The following ADGRL2 variants were observed in gnomAD, a reference collection of about 807,000 sequenced individuals.
ADGRL2 encodes the protein adhesion G protein-coupled receptor L2, also known as calcium-independent alpha-latrotoxin receptor 2.
Under a neutral mutation model 157.4 loss-of-function variants are expected in ADGRL2, and 44 were observed. That is an observed-to-expected ratio of 0.28 (90% CI 0.22 to 0.36). ADGRL2 has a LOEUF of 0.36. Among genes scored for constraint, ADGRL2 ranks in the 10% least tolerant of loss-of-function variants. The pLI is 1.00. For synonymous variants in ADGRL2, 585 were observed against 624.7 expected, an observed-to-expected ratio of 0.94 and a Z score of 0.95; for missense variants, 1,510 against 1,768.9, an observed-to-expected ratio of 0.85 and a Z score of 2.63.
intron 3 of ADGRL2, among the ~76,000 whole-genome samples, chr1:81,594,997 G>C (rs527662842): frequency 3.3e-5 from 5 of 152,148 alleles, no homozygotes; most frequent in African/African-American, 4.8e-5. Flanking sequence ...GCACTGACTA[G>C]ATGTCAGGAA....
At chr1:81,731,138 C>A (rs867972188) in intron 1 of ADGRL2, among the ~76,000 whole-genome samples, 1 of 152,156 alleles carries the variant, frequency 6.6e-6, no homozygotes, top group Admixed American at 6.5e-5. Context: ...TCTGAGCTAG[C>A]CTCCCTCCTG....
intron 2 of ADGRL2, among the ~76,000 whole-genome samples, chr1:81,497,915 T>A (rs946709940): frequency 1.3e-5 from 2 of 152,282 alleles, no homozygotes; most frequent in Admixed American, 1.3e-4. Flanking sequence ...GCTGACAGAA[T>A]AGGTATGGCA....
intron 3 of ADGRL2, among the ~76,000 whole-genome samples, chr1:81,627,277 T>G (rs1245909787): frequency 6.6e-6 from 1 of 152,174 alleles, no homozygotes; most frequent in Non-Finnish European, 1.5e-5. Context: ...TTCATGCCTG[T>G]GTCTTTTCCC....
At chr1:81,630,317 AGT>A (rs944338965) in intron 3 of ADGRL2, among the ~76,000 whole-genome samples, 11 of 152,142 alleles carry the variant, frequency 7.2e-5, no homozygotes, top group Non-Finnish European at 1.6e-4. Context: ...CATCCAGAGG[AGT>A]GGGCAGTGAC....
chr1:81,403,129 T>C (rs1461379684), intron 1 of ADGRL2, among the ~76,000 whole-genome samples: 1 of 152,164 alleles, frequency 6.6e-6, no homozygotes, highest in African/African-American at 2.4e-5. Context: ...TCTTGGAAGA[T>C]GTCCTTGATG....
intron 2 of ADGRL2, among the ~76,000 whole-genome samples, chr1:81,881,969 C>A (rs1158422296): frequency 6.6e-6 from 1 of 152,118 alleles, no homozygotes. Context: ...CACACACCAT[C>A]CCCCCTTTTT....
chr1:81,796,037 C>T (rs780202770), upstream of ADGRL2, among the ~76,000 whole-genome samples: 1 of 152,200 alleles, frequency 6.6e-6, no homozygotes, highest in Non-Finnish European at 1.5e-5. Context: ...AGTGCCCTGG[C>T]TGGAGTGCAG....
At chr1:81,378,772 T>C (rs530466500) in intron 1 of ADGRL2, among the ~76,000 whole-genome samples, 118 of 152,308 alleles carry the variant, frequency 7.7e-4, no homozygotes, top group African/African-American at 2.8e-3. Flanking sequence ...ACTCCATAGA[T>C]ATTATAACAT....
chr1:81,884,781 CT>C (rs1290035804), intron 2 of ADGRL2, among the ~76,000 whole-genome samples: 1 of 152,016 alleles, frequency 6.6e-6, no homozygotes, highest in Non-Finnish European at 1.5e-5. Flanking sequence ...ACCCTTCCTG[CT>C]GATGAAGAAA....
intron 2 of ADGRL2, among the ~76,000 whole-genome samples, chr1:81,857,087 TG>T (rs1376507710): frequency 6.6e-6 from 1 of 152,168 alleles, no homozygotes; most frequent in East Asian, 1.9e-4. Context: ...TCCTGGATAA[TG>T]TTTCCAACAG....
intron 2 of ADGRL2, among the ~76,000 whole-genome samples, chr1:81,788,991 C>A (rs1381240854): frequency 6.6e-6 from 1 of 152,174 alleles, no homozygotes; most frequent in Non-Finnish European, 1.5e-5. Flanking sequence ...GCTGGGATTA[C>A]AGGGGTGAGC....
chr1:81,728,546 G>A (rs1478839849), intron 1 of ADGRL2, among the ~76,000 whole-genome samples: 1 of 152,102 alleles, frequency 6.6e-6, no homozygotes, highest in East Asian at 1.9e-4. Context: ...GTAACTCATA[G>A]TCTAATACAT....
chr1:81,833,377 C>G (rs2092080970), intron 1 of ADGRL2, among the ~76,000 whole-genome samples: 1 of 152,148 alleles, frequency 6.6e-6, no homozygotes, highest in African/African-American at 2.4e-5. Context: ...CAGTAGTTCA[C>G]TGTCCATGAG....
intron 1 of ADGRL2, among the ~76,000 whole-genome samples, chr1:81,436,379 A>G (rs1190479964): frequency 6.6e-6 from 1 of 152,210 alleles, no homozygotes; most frequent in Non-Finnish European, 1.5e-5. Flanking sequence ...AATAACATCT[A>G]TCTAACATAC....
intron 1 of ADGRL2, among the ~76,000 whole-genome samples, chr1:81,440,718 G>A (rs147074351): frequency 6.9e-4 from 105 of 152,218 alleles, no homozygotes; most frequent in Non-Finnish European, 1.2e-3. Flanking sequence ...TTTGACATCC[G>A]TATTTCTGTT....
In ADGRL2 at chr1:81,627,364, C is replaced by A. The variant is rs540242522; in HGVS notation, c.-143+46384C>A. 1.1e-4 allele frequency among the ~76,000 whole-genome samples: 16 copies of A among 152,166 alleles called. No homozygotes were observed. In the South Asian group the frequency reaches 3.3e-3, roughly 32 times the overall value. ...GTGCAGCGTCAACTCTTGGGTAAAT[C>A]TAAGAGGGACAGGCCTTTAATTGAG... On this transcript the variant is annotated intron_variant, in intron 3 of 24. Coordinates refer to the ADGRL2 transcript ENST00000370721.
At chr1:81,526,981 T>C (rs1337590152) in intron 2 of ADGRL2, among the ~76,000 whole-genome samples, 1 of 152,234 alleles carries the variant, frequency 6.6e-6, no homozygotes, top group East Asian at 1.9e-4. Context: ...TCTCTGGCTA[T>C]CAGGTTAATG....
chr1:81,551,223 T>C (rs140498221), intron 2 of ADGRL2, among the ~76,000 whole-genome samples: 2 of 152,298 alleles, frequency 1.3e-5, no homozygotes, highest in Non-Finnish European at 2.9e-5. Flanking sequence ...ACAGTAATGT[T>C]GAAAGCCCTA....
intron 3 of ADGRL2, among the ~76,000 whole-genome samples, chr1:81,622,694 A>C (rs1331512872): frequency 6.6e-6 from 1 of 152,124 alleles, no homozygotes; most frequent in Non-Finnish European, 1.5e-5. Context: ...GTTTGAGGTT[A>C]CAGTGAGCTA....
Sources: gnomAD v4.1 joint callset for allele counts (sites outside exome capture counted in the v4.1 genomes callset) on GRCh38, gnomAD v4.1.1 for gene constraint, MANE v1.5 for transcripts, NCBI Gene and HGNC (gene_info 2026-07-23, HGNC 2026-07-21) for gene names.